MTUS1: variants seen among roughly 807,000 people sequenced by gnomAD.
MTUS1 encodes the protein microtubule associated scaffold protein 1.
Under a neutral mutation model 120.8 loss-of-function variants are expected in MTUS1, and 109 were observed. That is an observed-to-expected ratio of 0.90 (90% CI 0.77 to 1.06). MTUS1 has a LOEUF of 1.06. MTUS1 is among the 50% of genes least tolerant of loss of function. The pLI is 0.00. For missense variants in MTUS1, 2,210 were observed against 1,486.3 expected, an observed-to-expected ratio of 1.49 and a Z score of -8.01; for synonymous variants, 737 against 550.5, an observed-to-expected ratio of 1.34 and a Z score of -4.74.
At chr8:17,689,381 C>T (rs1816503092) in intron 6 of MTUS1, among the ~76,000 whole-genome samples, 1 of 152,158 alleles carries the variant, frequency 6.6e-6, no homozygotes, top group Admixed American at 6.6e-5. Flanking sequence ...CTTTTCTTCA[C>T]ATTAAAAGCA....
intron 1 of MTUS1, among the ~76,000 whole-genome samples, chr8:17,796,852 G>A (rs546430949): frequency 2.0e-5 from 3 of 152,220 alleles, no homozygotes; most frequent in Admixed American, 6.5e-5. Flanking sequence ...AGCGGCTCAC[G>A]CTTGTAATCC....
chr8:17,749,836 G>A (rs78870898), intron 2 of MTUS1, among the ~76,000 whole-genome samples: 32 of 152,100 alleles, frequency 2.1e-4, no homozygotes, highest in African/African-American at 7.0e-4. Context: ...GCTGTACCTC[G>A]ATCACCTTAG....
At chr8:17,751,338 C>T (rs995627997) in intron 2 of MTUS1, among the ~76,000 whole-genome samples, 2 of 152,086 alleles carry the variant, frequency 1.3e-5, no homozygotes, top group African/African-American at 4.8e-5. Flanking sequence ...ATGGTCTCTT[C>T]GTCAATCCAG....
chr8:17,663,022 A>T (rs1186517925), intron 8 of MTUS1, among the ~76,000 whole-genome samples: 1 of 151,958 alleles, frequency 6.6e-6, no homozygotes, highest in Non-Finnish European at 1.5e-5. Context: ...TAGGCCAGTG[A>T]CCCTCCCTGA....
chr8:17,791,505 T>G (rs1311338797), intron 1 of MTUS1, among the ~76,000 whole-genome samples: 1 of 152,194 alleles, frequency 6.6e-6, no homozygotes, highest in African/African-American at 2.4e-5. Context: ...TCAATTGTCT[T>G]TCGAATGTGC....
In MTUS1 at chr8:17,653,021, G is replaced by A. The variant is rs552655896; in HGVS notation, c.3384+165C>T. Among the ~76,000 whole-genome samples the A allele has an allele frequency of 5.7e-4, 86 of 152,168 alleles. No individual in the cohort carries two copies. Among genetic ancestry groups the A allele is most frequent in the Non-Finnish European group, 1.1e-3 (77 of 68,014 alleles). On this transcript the variant is annotated intron_variant, in intron 12 of 14. Transcript: ENST00000693296. Reference sequence around the variant, plus strand: ...AGATTTTAGGATGGTAAAACAAGACGCCAGTAAGCAAAGCAGTTGTTTTAC... The same window carrying A: ...AGATTTTAGGATGGTAAAACAAGACACCAGTAAGCAAAGCAGTTGTTTTAC...
intron 2 of MTUS1, among the ~76,000 whole-genome samples, chr8:17,746,422 A>T (rs539513683): frequency 6.6e-6 from 1 of 152,288 alleles, no homozygotes; most frequent in African/African-American, 2.4e-5. Flanking sequence ...AAGAAAAAGC[A>T]GTTTAATGGG....
chr8:17,672,555 G>T (rs1188425508), intron 8 of MTUS1, among the ~76,000 whole-genome samples: 3 of 152,126 alleles, frequency 2.0e-5, no homozygotes, highest in Non-Finnish European at 4.4e-5. Context: ...AATCCCACTG[G>T]CAGCCTTGAG....
chr8:17,655,554 T>C (rs999767730), intron 9 of MTUS1, among the ~76,000 whole-genome samples: 2 of 152,064 alleles, frequency 1.3e-5, no homozygotes, highest in Non-Finnish European at 2.9e-5. Flanking sequence ...TGAAACCCCG[T>C]CTCTACTAAA....
At chr8:17,756,706 G>A (rs1231904664) in intron 1 of MTUS1, among the ~76,000 whole-genome samples, 1 of 131,934 alleles carries the variant, frequency 7.6e-6, no homozygotes, top group African/African-American at 2.8e-5. Flanking sequence ...TGGAGACAGA[G>A]CCTTTAAGGA....
intron 2 of MTUS1, among the ~76,000 whole-genome samples, chr8:17,744,127 C>G (rs2047547978): frequency 6.6e-6 from 1 of 152,100 alleles, no homozygotes; most frequent in African/African-American, 2.4e-5. Flanking sequence ...AGTATTTTAC[C>G]CCAAAATATT....
chr8:17,697,447 A>G, intron 6 of MTUS1: 1 of 1,585,630 alleles, frequency 6.3e-7, no homozygotes, highest in Non-Finnish European at 8.6e-7. Context: ...CTGTCTTTTT[A>G]AACTCAGTAC....
At chr8:17,722,363 G>T in intron 4 of MTUS1, 1 of 973,900 alleles carries the variant, frequency 1.0e-6, no homozygotes, top group Non-Finnish European at 1.2e-6. Flanking sequence ...TTGGCAGTTT[G>T]TCTTTAAAAT....
chr8:17,758,140 C>T (rs11786236), intron 1 of MTUS1: 120,681 of 152,142 alleles, frequency 0.79, 48,095 homozygotes, highest in South Asian at 0.87. Flanking sequence ...TTCAACTTGC[C>T]GAATGAAGAG....
chr8:17,704,366 T>C (rs1433157008), intron 6 of MTUS1, among the ~76,000 whole-genome samples: 1 of 152,182 alleles, frequency 6.6e-6, no homozygotes, highest in Non-Finnish European at 1.5e-5. Flanking sequence ...GACATGAAGT[T>C]TTGCCCCATG....
At chr8:17,787,195 C>T (rs1474075761) in intron 1 of MTUS1, among the ~76,000 whole-genome samples, 1 of 152,128 alleles carries the variant, frequency 6.6e-6, no homozygotes, top group East Asian at 1.9e-4. Flanking sequence ...GTTTGTGAGG[C>T]CAGGATGAGG....
chr8:17,699,379 T>G (rs904575802), intron 6 of MTUS1, among the ~76,000 whole-genome samples: 5 of 152,112 alleles, frequency 3.3e-5, no homozygotes, highest in Non-Finnish European at 5.9e-5. Flanking sequence ...CATGCCTGGC[T>G]AATTTTTGTA....
intron 2 of MTUS1, among the ~76,000 whole-genome samples, chr8:17,751,935 G>A (rs1429235735): frequency 1.3e-5 from 2 of 149,794 alleles, no homozygotes; most frequent in African/African-American, 4.9e-5. Flanking sequence ...ATAAGCATAT[G>A]CGAATATGGG....
At chr8:17,764,838 T>C (rs962855256) in intron 1 of MTUS1, among the ~76,000 whole-genome samples, 4 of 152,214 alleles carry the variant, frequency 2.6e-5, no homozygotes, top group Admixed American at 6.5e-5. Context: ...CCCAACCTTT[T>C]TGGCACCAGG....
Sources: gnomAD v4.1 joint callset for allele counts (sites outside exome capture counted in the v4.1 genomes callset) on GRCh38, gnomAD v4.1.1 for gene constraint, MANE v1.5 for transcripts, NCBI Gene and HGNC (gene_info 2026-07-23, HGNC 2026-07-21) for gene names.